MICAL3: variants seen among roughly 807,000 people sequenced by gnomAD.
The protein encoded by MICAL3 is [F-actin]-monooxygenase MICAL3.
In MICAL3, 62 loss-of-function variants were observed where a neutral mutation model predicts 207.4. The observed-to-expected ratio is 0.30, with a 90% confidence interval of 0.24 to 0.37. MICAL3 has a LOEUF of 0.37. Among genes scored for constraint, MICAL3 ranks in the 10% least tolerant of loss-of-function variants. MICAL3 has a pLI of 1.00. For synonymous variants in MICAL3, 1,077 were observed against 1,069.3 expected (o/e 1.01, Z -0.14); for missense variants, 2,368 against 2,635.6 (o/e 0.90, Z 2.22).
At chr22:17,930,086 C>A (rs1357133070) in intron 1 of MICAL3, among the ~76,000 whole-genome samples, 1 of 151,982 alleles carries the variant, frequency 6.6e-6, no homozygotes, top group African/African-American at 2.4e-5. Flanking sequence ...ACATATTAGT[C>A]ACAGGAAGTC....
Position 17,880,382 on chromosome 22 carries a change from C to T in MICAL3, c.2241+5496G>A, listed in dbSNP as rs982141576. 7.2e-5 allele frequency among the ~76,000 whole-genome samples: 11 copies of T among 152,348 alleles called. No homozygotes were observed. The East Asian group carries it at 1.2e-3, about 16-fold the overall frequency. ...AGCGTGCTTTCCAGGCGACAGCGGACGCTGAGGACGGCTAGCTCTTGTGTA... is the reference window on the plus strand; with the variant it reads ...AGCGTGCTTTCCAGGCGACAGCGGATGCTGAGGACGGCTAGCTCTTGTGTA... On this transcript the variant is annotated intron_variant, in intron 16 of 31. Transcript: ENST00000441493.
At chr22:18,014,867 CCTG>C (rs1187353160) in intron 1 of MICAL3, among the ~76,000 whole-genome samples, 1 of 152,022 alleles carries the variant, frequency 6.6e-6, no homozygotes, top group Non-Finnish European at 1.5e-5. Context: ...GTGGCGGGTG[CCTG>C]TAGCCCCAGC....
At chr22:17,929,818 T>C (rs1044755596) in intron 1 of MICAL3, among the ~76,000 whole-genome samples, 6 of 152,246 alleles carry the variant, frequency 3.9e-5, no homozygotes, top group Non-Finnish European at 7.3e-5. Flanking sequence ...TCCACCCGCC[T>C]TGGCCTCCCA....
intron 1 of MICAL3, among the ~76,000 whole-genome samples, chr22:17,950,343 T>TG (rs535621153): frequency 0.17 from 21,337 of 122,160 alleles, 1,854 homozygotes; most frequent in Middle Eastern, 0.26. Flanking sequence ...TTTTGTTTTT[T>TG]TTTTTTTTTT....
chr22:17,962,576 AG>A (rs1275230982), intron 1 of MICAL3, among the ~76,000 whole-genome samples: 1 of 152,208 alleles, frequency 6.6e-6, no homozygotes, highest in Non-Finnish European at 1.5e-5. Flanking sequence ...CTCGAGCACA[AG>A]AAAAAAGGGG....
intron 1 of MICAL3, chr22:18,007,113 C>T (rs1442976491): frequency 6.6e-6 from 1 of 152,198 alleles, no homozygotes; most frequent in Non-Finnish European, 1.5e-5. Context: ...TCCTCAGCCT[C>T]CCAAAGTGCT....
At chr22:17,865,082 A>G in intron 18 of MICAL3, 96 bp from the exon 19 acceptor site, 3 of 840,150 alleles carry the variant, frequency 3.6e-6, no homozygotes, top group Non-Finnish European at 3.2e-6. Flanking sequence ...CGCTGGTTTT[A>G]AATTTTATTT....
intron 1 of MICAL3, among the ~76,000 whole-genome samples, chr22:17,987,630 C>T (rs76284885): frequency 0.013 from 2,033 of 152,310 alleles, 21 homozygotes; most frequent in Middle Eastern, 0.034. Context: ...GCAGGTACTC[C>T]GAGCAAGAGC....
intron 19 of MICAL3, among the ~76,000 whole-genome samples, chr22:17,854,228 G>A (rs1925652829): frequency 1.3e-5 from 2 of 152,226 alleles, no homozygotes; most frequent in South Asian, 4.2e-4. Flanking sequence ...TTGGGGAGGG[G>A]GGTGCTACTG....
chr22:17,885,659 T>G (rs1929806267), intron 16 of MICAL3, among the ~76,000 whole-genome samples: 1 of 152,156 alleles, frequency 6.6e-6, no homozygotes, highest in South Asian at 2.1e-4. Context: ...TTCTTGTCAG[T>G]GGACACCTCA....
chr22:17,998,165 G>T (rs747874114), intron 1 of MICAL3, among the ~76,000 whole-genome samples: 8 of 152,138 alleles, frequency 5.3e-5, no homozygotes, highest in South Asian at 2.1e-4. Flanking sequence ...TTAGCAGGGC[G>T]TGGTGGCAGG....
In MICAL3 at chr22:17,929,841, T is replaced by C. The variant is rs2146315434; in HGVS notation, c.-74-22955A>G. Among the ~76,000 whole-genome samples, 4 of 152,366 alleles carry C rather than the reference T, an allele frequency of 2.6e-5. 1 individual carries two copies. The Middle Eastern group carries it at 0.014, about 518-fold the overall frequency. The stretch of plus-strand genomic sequence containing the variant: ...CCTTGGCCTCCCAAAGTGCTGGGAT[T>C]ACAGGCGTGAGCCACTGCGCCCGGC... On this transcript the variant is annotated intron_variant, in intron 1 of 31. Transcript: ENST00000441493.
intron 15 of MICAL3, 120 bp downstream of exon 15, chr22:17,887,050 G>T: frequency 3.1e-6 from 1 of 327,276 alleles, no homozygotes; most frequent in East Asian, 5.1e-5. Flanking sequence ...AAGCCCAACA[G>T]AAATTCTCAT....
At chr22:17,896,674 C>A (rs747556281) in intron 8 of MICAL3, 50 bp downstream of exon 8, 1 of 1,583,410 alleles carries the variant, frequency 6.3e-7, no homozygotes, top group Non-Finnish European at 8.6e-7. Context: ...CAGATTCACT[C>A]CTAATTATTC....
At chr22:17,896,447 G>A (rs1485126143) in intron 8 of MICAL3, 86 bp from the exon 9 acceptor site, 2 of 876,272 alleles carry the variant, frequency 2.3e-6, no homozygotes, top group Non-Finnish European at 1.8e-6. Flanking sequence ...AGAGTTTGCT[G>A]TCGACAGTAG....
chr22:17,864,817 A>G (rs1308592795), intron 19 of MICAL3, 82 bp downstream of exon 19: 3 of 1,613,752 alleles, frequency 1.9e-6, no homozygotes, highest in Non-Finnish European at 2.5e-6. Context: ...GTTGCTTTGG[A>G]GGTGCTGGCT....
chr22:17,938,092 C>A (rs1933629902), intron 1 of MICAL3, among the ~76,000 whole-genome samples: 1 of 152,156 alleles, frequency 6.6e-6, no homozygotes, highest in African/African-American at 2.4e-5. Flanking sequence ...TGGTACTGGG[C>A]ACTTCACAGA....
intron 16 of MICAL3, chr22:17,879,461 A>G: frequency 6.9e-7 from 1 of 1,445,284 alleles, no homozygotes; most frequent in Non-Finnish European, 9.5e-7. Flanking sequence ...TGGACCTACT[A>G]AACGACAGTG....
Position 17,821,493 on chromosome 22 carries a change from G to A in MICAL3, c.3465C>T (p.Thr1155=). The change falls in exon 25 of 32, where the codon ACC becomes ACT. Residue 1155 remains threonine (T), a synonymous_variant. Coordinates refer to ENST00000441493, the MANE Select transcript of MICAL3 (RefSeq NM_015241.3). ...ATTCCTGGGGAGACCGGATGGGGCT[G>A]GTGGCTTGGGAGGGACCTGAAAAGA... is the stretch of plus-strand genomic sequence containing the variant. ...KHQERGPSQA[T]SPIRSPQESA... is the part of the protein sequence containing the mutation. 1 of 1,540,530 alleles carries A rather than the reference G, an allele frequency of 6.5e-7. No homozygotes were observed. The highest frequency in any genetic ancestry group is 8.7e-7 in the Non-Finnish European group (1 of 1,144,350).
Sources: allele counts gnomAD v4.1 joint callset (sites outside exome capture counted in the v4.1 genomes callset), GRCh38; gene constraint gnomAD v4.1.1; transcripts MANE v1.5; gene names NCBI Gene and HGNC (gene_info 2026-07-23, HGNC 2026-07-21).